Variants in CEP44 observed in about 807,000 individuals in gnomAD.
The protein encoded by CEP44 is centrosomal protein 44, also known as centrosomal protein of 44 kDa.
Under a neutral mutation model 46.7 loss-of-function variants are expected in CEP44, and 45 were observed. The observed-to-expected ratio is 0.96, with a 90% CI of 0.76 to 1.24. The LOEUF is 1.24. Among genes scored for constraint, CEP44 ranks in the 50% most tolerant of loss-of-function variants. The pLI is 0.00. For synonymous variants in CEP44, 142 were observed against 146.0 expected (o/e 0.97, Z 0.20); for missense variants, 475 against 459.7 (o/e 1.03, Z -0.30).
Position 174,317,998 on chromosome 4 carries a change from A to G in CEP44, c.*615A>G. The G allele has an allele frequency of 1.0e-6, 1 of 984,936 alleles. No individual in the cohort carries two copies. The highest frequency in any genetic ancestry group is 1.2e-6 in the Non-Finnish European group (1 of 829,478). 61.0% of individuals were successfully genotyped at this position (984,936 alleles called of 1,614,324 possible). A position where few individuals can be genotyped will look rare whatever the true frequency, so the allele number is the denominator to read the frequency against. On this transcript the variant is annotated 3_prime_UTR_variant, in exon 12 of 12. Coordinates refer to ENST00000503780, the MANE Select transcript of CEP44 (RefSeq NM_001040157.3). ...GGACTATGGTCCTCAAGTTTAGACC[A>G]AGAGGACTATGGTCTCAAGGTTCAC...
rs753944047 is a variant in CEP44, at chr4:174,310,009, C to G, written c.838C>G (p.Leu280Val). The G allele has an allele frequency of 1.2e-6, 2 of 1,612,614 alleles. No homozygotes were observed. The highest frequency in any genetic ancestry group is 1.7e-6 in the Non-Finnish European group (2 of 1,179,118). Residue 280 changes from leucine (L) to valine (V), a missense_variant, in exon 8 of 12, where the codon CTT (leucine) becomes GTT (valine). Physicochemically the swap from Leu to Val is conservative, Grantham distance 32. Transcript: ENST00000503780. This position sits in a 1 kb window ranked among gnomAD's most constrained non-coding sequence, Gnocchi z 4.2. ...MVDENTWTNL[L>V]SRVTLLETEM... ...AGATGAAAACACCTGGACTAATCTT[C>G]TTAGTCGTGTCACTCTTCTTGAAAC...
intron 1 of CEP44, among the ~76,000 whole-genome samples, chr4:174,284,556 A>G (rs1395149278): frequency 6.6e-6 from 1 of 152,138 alleles, no homozygotes; most frequent in Non-Finnish European, 1.5e-5. Context: ...CACTGTAACA[A>G]GTTAATCTTG....
intron 1 of CEP44, among the ~76,000 whole-genome samples, chr4:174,289,624 T>C (rs1320797628): frequency 6.6e-6 from 1 of 152,080 alleles, no homozygotes; most frequent in African/African-American, 2.4e-5. Context: ...TTGAGTCTTC[T>C]ATTTTTAAAG....
At chr4:174,293,954 A>C (rs1436329462) in intron 1 of CEP44, among the ~76,000 whole-genome samples, 1 of 151,664 alleles carries the variant, frequency 6.6e-6, no homozygotes, top group Non-Finnish European at 1.5e-5. Flanking sequence ...GGCCATTCTA[A>C]TAAGTGTGTA....
chr4:174,305,113 G>A (rs1225816535), intron 6 of CEP44, among the ~76,000 whole-genome samples: 2 of 152,138 alleles, frequency 1.3e-5, no homozygotes, highest in African/African-American at 4.8e-5. Flanking sequence ...TATTATTTCT[G>A]CCCTAATCCA....
intron 2 of CEP44, 51 bp from the exon 3 acceptor site, chr4:174,299,021 G>A: frequency 9.9e-7 from 1 of 1,011,370 alleles, no homozygotes; most frequent in Non-Finnish European, 1.5e-6. Context: ...GAATCAAGAA[G>A]CTTCAAAAAT....
Position 174,317,426 on chromosome 4 carries a change from C to T in CEP44, c.*43C>T. The T allele has an allele frequency of 1.5e-6, 2 of 1,339,770 alleles. No individual in the cohort carries two copies. The highest frequency in any genetic ancestry group is 9.8e-7 in the Non-Finnish European group (1 of 1,018,748). The allele number at this position is 1,339,770 out of a possible 1,614,324, so 83.0% of individuals were successfully genotyped here. On this transcript the variant is annotated 3_prime_UTR_variant, in exon 12 of 12. Coordinates refer to ENST00000503780, the MANE Select transcript of CEP44 (RefSeq NM_001040157.3). ...TTTTTCTAGGACTTTGGTTACTATA[C>T]ATATTGTATATTTTAAGAATTCTTT...
downstream of CEP44, among the ~76,000 whole-genome samples, chr4:174,323,802 C>T (rs1382001196): frequency 6.6e-6 from 1 of 152,030 alleles, no homozygotes; most frequent in Non-Finnish European, 1.5e-5. Flanking sequence ...ACTCATTGGG[C>T]ATTCATACAG....
intron 1 of CEP44, among the ~76,000 whole-genome samples, chr4:174,284,557 G>A (rs1737348184): frequency 6.6e-6 from 1 of 152,126 alleles, no homozygotes; most frequent in Non-Finnish European, 1.5e-5. Flanking sequence ...ACTGTAACAA[G>A]TTAATCTTGA....
chr4:174,294,620 C>T (rs1170915461), intron 1 of CEP44, among the ~76,000 whole-genome samples: 1 of 151,846 alleles, frequency 6.6e-6, no homozygotes, highest in Non-Finnish European at 1.5e-5. Context: ...GTAGGGGCGG[C>T]CGGGCAGAGG....
At chr4:174,285,295 T>C (rs1737456364) in intron 1 of CEP44, 1 of 152,258 alleles carries the variant, frequency 6.6e-6, no homozygotes, top group South Asian at 2.1e-4. Context: ...GTCTTGTTTT[T>C]AAGGCTTTTG....
At chr4:174,323,355 G>A (rs1041319191), downstream of CEP44, among the ~76,000 whole-genome samples, 1 of 151,956 alleles carries the variant, frequency 6.6e-6, no homozygotes, top group East Asian at 1.9e-4. Context: ...ATTTACATAC[G>A]ATAAAATTCA....
At position 174,317,416 on chromosome 4, in the gene CEP44, G is replaced by T. The variant is rs749751732; in HGVS notation, c.*33G>T. On this transcript the variant is annotated 3_prime_UTR_variant, in exon 12 of 12. Coordinates refer to ENST00000503780, the MANE Select transcript of CEP44 (RefSeq NM_001040157.3). ...TACATGAACTTTTTTCTAGGACTTT[G>T]GTTACTATACATATTGTATATTTTA... is the stretch of plus-strand genomic sequence containing the variant. 18 of 1,385,502 alleles carry T rather than the reference G, an allele frequency of 1.3e-5. No individual in the cohort carries two copies. In the Admixed American group the frequency reaches 3.9e-4, roughly 30 times the overall value. The allele number at this position is 1,385,502 out of a possible 1,614,324, so 85.8% of individuals were successfully genotyped here.
rs1317189252 is a variant in CEP44, at chr4:174,301,846, ATAG to A, written c.90-188_90-186del. Among the ~76,000 whole-genome samples the A allele has an allele frequency of 1.3e-5, 2 of 152,266 alleles. No individual in the cohort carries two copies. Among genetic ancestry groups the A allele is most frequent in the East Asian group, 3.9e-4 (2 of 5,188 alleles). The stretch of plus-strand genomic sequence containing the variant: ...TTGAGCAGACGAACAGTGGTATTTC[ATAG>A]TAGTCTGGCTAGACTGGTTTCAAAT... On this transcript the variant is annotated intron_variant, in intron 3 of 11. Coordinates refer to ENST00000503780, the MANE Select transcript of CEP44 (RefSeq NM_001040157.3). This position sits in a 1 kb window ranked among gnomAD's most constrained non-coding sequence, Gnocchi z 4.3.
chr4:174,284,127 C>T (rs1737266269), intron 1 of CEP44, 184 bp downstream of exon 1: 2 of 398,936 alleles, frequency 5.0e-6, no homozygotes, highest in Non-Finnish European at 8.8e-6. Flanking sequence ...GGCTTCTTTG[C>T]TGGTGGCTGC....
intron 6 of CEP44, among the ~76,000 whole-genome samples, chr4:174,308,470 C>A (rs762628595): frequency 6.6e-6 from 1 of 152,058 alleles, no homozygotes; most frequent in Middle Eastern, 3.2e-3. Context: ...ACATTGGAGC[C>A]TTTCAGAGGG....
In CEP44 at chr4:174,318,886, T is replaced by C. The variant is rs1016974976; in HGVS notation, c.*1503T>C. 1.4e-4 allele frequency: 42 copies of C among 306,530 alleles called. No homozygotes were observed. The highest frequency in any genetic ancestry group is 9.3e-4 in the African/African-American group (41 of 44,126). The allele number at this position is 306,530 out of a possible 1,614,324, so 19.0% of individuals were successfully genotyped here. Reference sequence around the variant, plus strand: ...GTGCACTGGCGTGATCTCGGCTCACTGCACCTTCTGCCTACCGAGTTCAAG... The same window carrying C: ...GTGCACTGGCGTGATCTCGGCTCACCGCACCTTCTGCCTACCGAGTTCAAG... On this transcript the variant is annotated 3_prime_UTR_variant, in exon 12 of 12. Coordinates refer to ENST00000503780, the MANE Select transcript of CEP44 (RefSeq NM_001040157.3).
rs1737710903 is a variant in CEP44 at position 174,287,594 on chromosome 4, TTAAC to T, written c.-148+3655_-148+3658del. On this transcript the variant is annotated intron_variant, in intron 1 of 11. Transcript: ENST00000503780. This position sits in a 1 kb window ranked among gnomAD's most constrained non-coding sequence, Gnocchi z 5.1. ...TTGTTGCTTTCTATAATATTTTAAA[TTAAC>T]TAAATCACACACATTCTCTTTTTCA... Among the ~76,000 whole-genome samples, 1 of 152,198 alleles carries T rather than the reference TTAAC, an allele frequency of 6.6e-6. No homozygotes were observed. The highest frequency in any genetic ancestry group is 2.4e-5 in the African/African-American group (1 of 41,450).
chr4:174,293,711 T>C (rs1054447959), intron 1 of CEP44, among the ~76,000 whole-genome samples: 2 of 152,236 alleles, frequency 1.3e-5, no homozygotes, highest in African/African-American at 4.8e-5. Flanking sequence ...TTCTTTAGCA[T>C]TTCCTAAATA....
Sources: gnomAD v4.1 joint callset for allele counts (sites outside exome capture counted in the v4.1 genomes callset) on GRCh38, gnomAD v4.1.1 for gene constraint, Gnocchi (gnomAD v3.1) non-coding constraint, MANE v1.5 for transcripts, NCBI Gene and HGNC (gene_info 2026-07-23, HGNC 2026-07-21) for gene names.